The following ADGRA3 variants were observed in gnomAD, a reference collection of about 807,000 sequenced individuals.
ADGRA3 encodes adhesion G protein-coupled receptor A3.
A neutral mutation model predicts 119.8 loss-of-function variants in ADGRA3; 56 were observed. The observed-to-expected ratio is 0.47, with a 90% CI of 0.38 to 0.58. The LOEUF (loss-of-function observed/expected upper bound fraction) is 0.58, where lower values mean the gene tolerates loss of function less well. ADGRA3 is among the 20% of genes least tolerant of loss of function. The pLI, the probability that ADGRA3 is intolerant of heterozygous loss-of-function variation, is 0.00. For missense variants in ADGRA3, 1,516 were observed against 1,649.0 expected (o/e 0.92, Z 1.40); for synonymous variants, 607 against 623.8 (o/e 0.97, Z 0.40).
chr4:22,483,951 GA>G (rs1405556396), intron 1 of ADGRA3, among the ~76,000 whole-genome samples: 6 of 151,660 alleles, frequency 4.0e-5, no homozygotes, highest in Non-Finnish European at 8.8e-5. Context: ...TAACTTATAA[GA>G]AAAACAGTTA....
chr4:22,415,872 G>T (rs1367520599), intron 12 of ADGRA3, among the ~76,000 whole-genome samples: 1 of 151,756 alleles, frequency 6.6e-6, no homozygotes, highest in East Asian at 1.9e-4. Flanking sequence ...CAGGAGTATG[G>T]ACATATTACT....
At chr4:22,454,290 T>C (rs1050603564) in intron 4 of ADGRA3, among the ~76,000 whole-genome samples, 2 of 152,192 alleles carry the variant, frequency 1.3e-5, no homozygotes, top group Admixed American at 1.3e-4. Flanking sequence ...ATAATCATTA[T>C]AACTTTGAGC....
intron 14 of ADGRA3, among the ~76,000 whole-genome samples, chr4:22,405,140 G>A (rs1341345769): frequency 6.6e-6 from 1 of 152,172 alleles, no homozygotes; most frequent in African/African-American, 2.4e-5. Context: ...GCCCTTGGCA[G>A]AAAGTAACAA....
At chr4:22,391,878 C>A (rs1363793707) in intron 17 of ADGRA3, among the ~76,000 whole-genome samples, 1 of 152,066 alleles carries the variant, frequency 6.6e-6, no homozygotes, top group African/African-American at 2.4e-5. Flanking sequence ...AACAACCCCC[C>A]GCCCCCAAAA....
At chr4:22,479,501 T>G (rs1438998916) in intron 1 of ADGRA3, among the ~76,000 whole-genome samples, 1 of 149,994 alleles carries the variant, frequency 6.7e-6, no homozygotes, top group African/African-American at 2.4e-5. Context: ...AAACAACAGA[T>G]GCTGGAGAGG....
chr4:22,500,256 A>C (rs908323876), intron 1 of ADGRA3, among the ~76,000 whole-genome samples: 1 of 152,206 alleles, frequency 6.6e-6, no homozygotes, highest in Non-Finnish European at 1.5e-5. Context: ...TGAAAATAAC[A>C]ATAGTTAGAA....
intron 1 of ADGRA3, among the ~76,000 whole-genome samples, chr4:22,505,513 G>C (rs1469586204): frequency 6.6e-6 from 1 of 151,956 alleles, no homozygotes; most frequent in African/African-American, 2.4e-5. Context: ...TAGGCATGGT[G>C]GTGGGCGCCT....
chr4:22,462,933 C>A (rs570851460), intron 2 of ADGRA3, among the ~76,000 whole-genome samples: 2 of 152,282 alleles, frequency 1.3e-5, no homozygotes, highest in East Asian at 3.9e-4. Context: ...GGCTAGACCT[C>A]TGTGGAGAGC....
rs906149711 is a variant in ADGRA3, at chr4:22,457,159, A to G, written c.402-2222T>C. ...ATATTGATAATGGGTTGTTATTTGG[A>G]TTGAGAATCAACTTAAATTCGTTGA... is the stretch of plus-strand genomic sequence containing the variant. On this transcript the variant is annotated intron_variant, in intron 3 of 18. Transcript: ENST00000334304. Among the ~76,000 whole-genome samples, 3 of 152,182 alleles carry G rather than the reference A, an allele frequency of 2.0e-5. No individual in the cohort carries two copies. In the South Asian group the frequency reaches 6.2e-4, roughly 32 times the overall value.
At chr4:22,436,751 C>A (rs1716412052) in intron 8 of ADGRA3, 110 bp from the exon 9 acceptor site, 6 of 881,174 alleles carry the variant, frequency 6.8e-6, no homozygotes, top group Non-Finnish European at 1.1e-5. Context: ...GTCAATACAA[C>A]CCTGACACGG....
intron 2 of ADGRA3, among the ~76,000 whole-genome samples, chr4:22,468,158 C>T (rs189490641): frequency 2.2e-4 from 33 of 152,282 alleles, no homozygotes; most frequent in African/African-American, 7.5e-4. Context: ...AAATCACCTC[C>T]AACCACAAAG....
intron 1 of ADGRA3, among the ~76,000 whole-genome samples, chr4:22,474,691 G>C (rs1577370360): frequency 2.0e-5 from 3 of 152,208 alleles, no homozygotes; most frequent in African/African-American, 7.2e-5. Flanking sequence ...AAGGGCCCAA[G>C]ATTACACTAG....
chr4:22,459,668 GA>G (rs796391692), intron 3 of ADGRA3, among the ~76,000 whole-genome samples: 2 of 149,562 alleles, frequency 1.3e-5, no homozygotes, highest in East Asian at 2.0e-4. Context: ...ACTGGAGGCG[GA>G]AAAAAAAAGA....
chr4:22,390,320 T>TTATATATATATA (rs34566272), intron 17 of ADGRA3, among the ~76,000 whole-genome samples: 3 of 106,266 alleles, frequency 2.8e-5, no homozygotes, highest in African/African-American at 9.6e-5. Context: ...TCTCTACTGC[T>TTATATATATATA]TATATATATA....
At chr4:22,509,826 C>G (rs190447737) in intron 1 of ADGRA3, among the ~76,000 whole-genome samples, 1 of 151,540 alleles carries the variant, frequency 6.6e-6, no homozygotes, top group African/African-American at 2.4e-5. Context: ...CTGGCTAACA[C>G]GGTGAAACCC....
intron 16 of ADGRA3, chr4:22,398,224 C>G: frequency 2.7e-6 from 2 of 734,134 alleles, no homozygotes; most frequent in Non-Finnish European, 3.3e-6. Flanking sequence ...ATTTATTGAA[C>G]AGTTAGTATA....
chr4:22,481,906 G>A (rs1718271501), intron 1 of ADGRA3, among the ~76,000 whole-genome samples: 1 of 151,546 alleles, frequency 6.6e-6, no homozygotes, highest in Non-Finnish European at 1.5e-5. Flanking sequence ...TAGCAAAAAT[G>A]AGAGTATCTA....
intron 15 of ADGRA3, 94 bp downstream of exon 15, chr4:22,402,581 A>G (rs1714711699): frequency 7.7e-7 from 1 of 1,292,986 alleles, no homozygotes; most frequent in African/African-American, 1.5e-5. Flanking sequence ...GAAATACAGG[A>G]TGATAACAAA....
intron 1 of ADGRA3, among the ~76,000 whole-genome samples, chr4:22,512,132 C>A (rs1164172667): frequency 6.6e-6 from 1 of 151,898 alleles, no homozygotes; most frequent in African/African-American, 2.4e-5. Context: ...AACTCCCGGT[C>A]TCAAGTGATC....
Sources: gnomAD v4.1 joint callset for allele counts (sites outside exome capture counted in the v4.1 genomes callset) on GRCh38, gnomAD v4.1.1 for gene constraint, MANE v1.5 for transcripts, NCBI Gene and HGNC (gene_info 2026-07-23, HGNC 2026-07-21) for gene names.